The following ZNF469 variants were observed in gnomAD, a reference collection of about 807,000 sequenced individuals.
ZNF469 encodes zinc finger protein 469.
In ZNF469, 1 loss-of-function variant was observed where a neutral mutation model predicts 1.0. The observed-to-expected ratio is 1.00, with a 90% CI of 0.35 to 4.73. The LOEUF is 4.73. ZNF469 is among the 30% of genes most tolerant of loss of function. The probability of loss-of-function intolerance (pLI) is 0.16; values close to 1 mark genes in which losing one functional copy is unlikely to be tolerated. For synonymous variants in ZNF469, 2,703 were observed against 2,363.4 expected (o/e 1.14, Z -4.17); for missense variants, 6,100 against 5,356.3 (o/e 1.14, Z -4.33).
the ZNF469 span, among the ~76,000 whole-genome samples, chr16:88,242,815 C>G: frequency 1.3e-5 from 2 of 152,364 alleles, no homozygotes; most frequent in East Asian, 3.9e-4. Context: ...TTACACATTC[C>G]TGTCATGGAG....
Position 88,438,290 on chromosome 16 carries a change from G to C in ZNF469, c.10820G>C (p.Arg3607Thr), listed in dbSNP as rs928988741. ...LGASLPRPGARGQDAEGKRAP... is the reference protein window; with the variant it reads ...LGASLPRPGATGQDAEGKRAP... ...GCATCTCTGCCGCGGCCGGGAGCCAGAGGCCAAGATGCGGAGGGAAAGAGG... is the reference window on the plus strand; with the variant it reads ...GCATCTCTGCCGCGGCCGGGAGCCACAGGCCAAGATGCGGAGGGAAAGAGG... Residue 3607 changes from arginine (R) to threonine (T), a missense_variant, in exon 3 of 3, where the codon AGA becomes ACA. By Grantham distance (71) the Arg-to-Thr change is moderately conservative. Transcript: ENST00000565624. 1 of 1,548,358 alleles carries C rather than the reference G, an allele frequency of 6.5e-7. No individual in the cohort carries two copies. Among genetic ancestry groups the C allele is most frequent in the Non-Finnish European group, 8.7e-7 (1 of 1,145,502 alleles).
At chr16:88,402,958 AG>A (rs1448280871) in intron 1 of ZNF469, among the ~76,000 whole-genome samples, 13 of 152,338 alleles carry the variant, frequency 8.5e-5, no homozygotes, top group Non-Finnish European at 8.8e-5. Flanking sequence ...CCCCATCAAA[AG>A]GCCAGCCCGG....
the ZNF469 span, among the ~76,000 whole-genome samples, chr16:88,226,688 G>T: frequency 1.3e-5 from 2 of 151,828 alleles, no homozygotes; most frequent in East Asian, 3.9e-4. Context: ...CCCAGACCTC[G>T]AATGTCCCCT....
chr16:88,190,337 C>T, the ZNF469 span, among the ~76,000 whole-genome samples: 19 of 152,354 alleles, frequency 1.2e-4, no homozygotes, highest in South Asian at 3.5e-3. Flanking sequence ...AGTGGCTGAA[C>T]CAGAGGTGAC....
At chr16:88,378,074 C>G (rs1462527719), upstream of ZNF469, among the ~76,000 whole-genome samples, 2 of 152,088 alleles carry the variant, frequency 1.3e-5, no homozygotes, top group Non-Finnish European at 2.9e-5. Flanking sequence ...GTCCTAGACG[C>G]CCCAAGATCC....
the ZNF469 span, among the ~76,000 whole-genome samples, chr16:88,180,588 A>G: frequency 0.079 from 12,015 of 152,224 alleles, 726 homozygotes; most frequent in East Asian, 0.24. Context: ...CCTGGCCAAC[A>G]TGGTGAAACC....
chr16:88,134,970 T>G, the ZNF469 span, among the ~76,000 whole-genome samples: 6 of 152,264 alleles, frequency 3.9e-5, no homozygotes, highest in Non-Finnish European at 5.9e-5. Context: ...TTTCATCTTG[T>G]TTCAAAAGAA....
At chr16:88,301,390 G>A in the ZNF469 span, among the ~76,000 whole-genome samples, 6 of 152,248 alleles carry the variant, frequency 3.9e-5, no homozygotes, top group African/African-American at 1.2e-4. Flanking sequence ...TCCTGACCTC[G>A]TGATCCACCA....
the ZNF469 span, among the ~76,000 whole-genome samples, chr16:88,301,123 G>A: frequency 2.0e-5 from 3 of 151,836 alleles, no homozygotes; most frequent in Non-Finnish European, 4.4e-5. Flanking sequence ...GTACGTGAGA[G>A]GATGGAAGAT....
chr16:88,378,264 G>A (rs955510719), upstream of ZNF469, among the ~76,000 whole-genome samples: 1 of 152,172 alleles, frequency 6.6e-6, no homozygotes, highest in Non-Finnish European at 1.5e-5. Flanking sequence ...CACCGGGGCC[G>A]GGCCTGTTTG....
At chr16:88,389,849 G>T (rs990120008) in intron 1 of ZNF469, among the ~76,000 whole-genome samples, 2 of 152,140 alleles carry the variant, frequency 1.3e-5, no homozygotes, top group Non-Finnish European at 2.9e-5. Flanking sequence ...TGCCTCCCTG[G>T]CCCCCTGAGG....
Position 88,430,793 on chromosome 16 carries a change from G to A in ZNF469, c.3323G>A (p.Gly1108Asp), listed in dbSNP as rs1486880883. The A allele has an allele frequency of 3.9e-6, 6 of 1,527,892 alleles. No homozygotes were observed. The highest frequency in any genetic ancestry group is 5.2e-6 in the Non-Finnish European group (6 of 1,143,828). 94.6% of individuals were successfully genotyped at this position (1,527,892 alleles called of 1,614,324 possible). Residue 1108 changes from glycine to aspartate, a missense_variant, in exon 3 of 3, where the codon GGC becomes GAC. Transcript: ENST00000565624. The part of the protein sequence containing the change: ...SEEDEQPPPR[G>D]PGFRGRRGRG... The stretch of plus-strand genomic sequence containing the variant: ...GAGGACGAGCAGCCTCCGCCGCGGG[G>A]CCCCGGCTTCAGAGGCCGGCGGGGC...
At chr16:88,274,571 C>G in the ZNF469 span, among the ~76,000 whole-genome samples, 1 of 152,198 alleles carries the variant, frequency 6.6e-6, no homozygotes, top group Non-Finnish European at 1.5e-5. Context: ...GCGGGGCCCC[C>G]GGGGAGGGCA....
chr16:88,171,326 C>T, the ZNF469 span, among the ~76,000 whole-genome samples: 2 of 152,324 alleles, frequency 1.3e-5, no homozygotes, highest in East Asian at 3.9e-4. Context: ...GAAGTGATCA[C>T]TGTCCCAGGC....
chr16:88,296,325 G>A, the ZNF469 span, among the ~76,000 whole-genome samples: 1 of 152,166 alleles, frequency 6.6e-6, no homozygotes, highest in Non-Finnish European at 1.5e-5. Flanking sequence ...CTCCAGCTGC[G>A]TGGGGGTGGG....
At chr16:88,154,138 T>C in the ZNF469 span, among the ~76,000 whole-genome samples, 1 of 152,206 alleles carries the variant, frequency 6.6e-6, no homozygotes, top group Non-Finnish European at 1.5e-5. Flanking sequence ...TTTCTAAGCA[T>C]CTTTTTTGTT....
At chr16:88,360,855 G>A in the ZNF469 span, among the ~76,000 whole-genome samples, 139 of 152,268 alleles carry the variant, frequency 9.1e-4, 1 homozygote, top group Non-Finnish European at 6.8e-4. Flanking sequence ...CTGTTACAGT[G>A]ATTCCCAACC....
chr16:88,183,469 G>C, the ZNF469 span, among the ~76,000 whole-genome samples: 2 of 152,336 alleles, frequency 1.3e-5, no homozygotes, highest in African/African-American at 4.8e-5. Flanking sequence ...AGGGCGGGAC[G>C]CTGGTGCCAC....
At chr16:88,139,022 G>C in the ZNF469 span, among the ~76,000 whole-genome samples, 1 of 152,232 alleles carries the variant, frequency 6.6e-6, no homozygotes, top group Non-Finnish European at 1.5e-5. Context: ...AGACATTCTG[G>C]GTGAAATGTA....
Sources: gnomAD v4.1 joint callset for allele counts (sites outside exome capture counted in the v4.1 genomes callset) on GRCh38, gnomAD v4.1.1 for gene constraint, MANE v1.5 for transcripts, NCBI Gene and HGNC (gene_info 2026-07-23, HGNC 2026-07-21) for gene names.